PCDHGA2: variants seen among roughly 807,000 people sequenced by gnomAD.
PCDHGA2 encodes protocadherin gamma-A2.
PCDHGA2 carries 40 observed loss-of-function variants against 59.2 expected under a neutral mutation model. That is an observed-to-expected ratio of 0.68 (90% CI 0.52 to 0.88). The LOEUF (loss-of-function observed/expected upper bound fraction) is 0.88. Among genes scored for constraint, PCDHGA2 ranks in the 40% least tolerant of loss-of-function variants. The pLI is 0.00. For missense variants in PCDHGA2, 1,226 were observed against 1,204.0 expected, an observed-to-expected ratio of 1.02 and a Z score of -0.27; for synonymous variants, 560 against 526.0, an observed-to-expected ratio of 1.06 and a Z score of -0.89.
chr5:141,409,805 C>T lies in PCDHGA2; in HGVS notation c.2424+68410C>T, dbSNP rs751397816. 8 of 1,611,512 alleles carry T rather than the reference C, an allele frequency of 5.0e-6. No individual in the cohort carries two copies. The African/African-American group carries it at 5.3e-5, about 11-fold the overall frequency. ...CGCCTTCGCGCTCACGCTGCAGGCC[C>T]GCGACCACGGCTCGCCCACGCTCAG... is the stretch of plus-strand genomic sequence containing the variant. On this transcript the variant is annotated intron_variant, in intron 1 of 3. Coordinates refer to ENST00000394576, the MANE Select transcript of PCDHGA2 (RefSeq NM_018915.4).
intron 1 of PCDHGA2, chr5:141,402,985 A>G: frequency 6.2e-7 from 1 of 1,609,390 alleles, no homozygotes; most frequent in Non-Finnish European, 8.5e-7. Context: ...AGCTCCGCGG[A>G]AGATTAGTCC....
At chr5:141,376,318 G>A (rs373956139) in intron 1 of PCDHGA2, 28 of 1,614,082 alleles carry the variant, frequency 1.7e-5, no homozygotes, top group Non-Finnish European at 1.9e-5. Context: ...GCGTGGAAGG[G>A]GTTCGGGCTT....
intron 1 of PCDHGA2, chr5:141,428,860 CT>C (rs34152666): frequency 0.3 from 42,955 of 145,250 alleles, 7,185 homozygotes; most frequent in African/African-American, 0.5. Flanking sequence ...TTACGGGAGA[CT>C]TTTTTTTTTT....
intron 1 of PCDHGA2, chr5:141,397,891 A>G: frequency 3.2e-6 from 2 of 631,130 alleles, no homozygotes; most frequent in Non-Finnish European, 5.3e-6. Context: ...CTGTTGGCCA[A>G]AGTGCAGAGC....
chr5:141,491,071 C>T lies in PCDHGA2; in HGVS notation c.2425-3736C>T, dbSNP rs987564933. 1 of 1,614,152 alleles carries T rather than the reference C, an allele frequency of 6.2e-7. No individual in the cohort carries two copies. Among genetic ancestry groups the T allele is most frequent in the Non-Finnish European group, 8.5e-7 (1 of 1,180,028 alleles). ...TGCGTGGCTCTCCTACTCACTGTTGCCACAGTCCACAGCCCCAGGACTGTT... is the reference window on the plus strand; with the variant it reads ...TGCGTGGCTCTCCTACTCACTGTTGTCACAGTCCACAGCCCCAGGACTGTT... On this transcript the variant is annotated intron_variant, in intron 1 of 3. Transcript: ENST00000394576. This position sits in a 1 kb window ranked among gnomAD's most constrained non-coding sequence, Gnocchi z 6.9.
chr5:141,422,092 G>A (rs2154549502), intron 1 of PCDHGA2: 6 of 1,611,520 alleles, frequency 3.7e-6, no homozygotes, highest in Non-Finnish European at 5.1e-6. Flanking sequence ...GGAAAGCAAG[G>A]CTTCTGAAAT....
chr5:141,474,981 G>A (rs1336399018), intron 1 of PCDHGA2, among the ~76,000 whole-genome samples: 1 of 152,126 alleles, frequency 6.6e-6, no homozygotes, highest in African/African-American at 2.4e-5. Context: ...ATTTTGTTTG[G>A]TGACAACAAT....
At chr5:141,392,979 C>T (rs1356713892) in intron 1 of PCDHGA2, 4 of 1,613,718 alleles carry the variant, frequency 2.5e-6, no homozygotes, top group Admixed American at 1.7e-5. Context: ...GGGGCTGGAC[C>T]CCCGGAAGCT....
rs771647688 is a variant in PCDHGA2 at position 141,399,795 on chromosome 5, G to A, written c.2424+58400G>A. 10 of 1,613,202 alleles carry A rather than the reference G, an allele frequency of 6.2e-6. No individual in the cohort carries two copies. In the South Asian group the frequency reaches 8.8e-5, roughly 14 times the overall value. On this transcript the variant is annotated intron_variant, in intron 1 of 3. Transcript: ENST00000394576. ...TGGGCGACCGAAACGACAACGCACC[G>A]CGGGTGCTGTACCCCGCGCTGGGTC...
intron 1 of PCDHGA2, among the ~76,000 whole-genome samples, chr5:141,448,083 T>C (rs1020024755): frequency 2.6e-5 from 4 of 151,368 alleles, no homozygotes; most frequent in African/African-American, 9.7e-5. Context: ...CGAAATGCCA[T>C]CTTAAAAAAA....
intron 1 of PCDHGA2, among the ~76,000 whole-genome samples, chr5:141,469,967 C>G (rs2099217411): frequency 6.6e-6 from 1 of 152,124 alleles, no homozygotes; most frequent in Admixed American, 6.6e-5. Flanking sequence ...CCCATCTGTA[C>G]CAAAAATACA....
At chr5:141,365,095 A>G in intron 1 of PCDHGA2, 2 of 1,613,810 alleles carry the variant, frequency 1.2e-6, no homozygotes, top group Non-Finnish European at 1.7e-6. Context: ...CAGAGAACAT[A>G]CCTGTGGGCA....
chr5:141,366,986 G>T, intron 1 of PCDHGA2: 1 of 493,134 alleles, frequency 2.0e-6, no homozygotes, highest in Non-Finnish European at 3.4e-6. Context: ...AAGGAAAGTG[G>T]TTAAATATAA....
intron 1 of PCDHGA2, chr5:141,350,546 A>C (rs886105437): frequency 2.5e-6 from 4 of 1,613,906 alleles, no homozygotes; most frequent in Admixed American, 1.7e-5. Flanking sequence ...TTGCGGAAGG[A>C]AACTTGAGTG....
chr5:141,395,391 A>G, intron 1 of PCDHGA2: 2 of 944,730 alleles, frequency 2.1e-6, no homozygotes, highest in Non-Finnish European at 3.1e-6. Flanking sequence ...ATAAAATTGA[A>G]CTCTAATAGT....
chr5:141,421,102 T>G, intron 1 of PCDHGA2: 1 of 691,404 alleles, frequency 1.4e-6, no homozygotes, highest in Non-Finnish European at 2.4e-6. Flanking sequence ...CACTGGAGAC[T>G]TAGAAGTATT....
rs200981359 is a variant in PCDHGA2, at chr5:141,339,427, T to G, written c.456T>G (p.Ile152Met). ...AAACCACTACGCCAGGATTCCGGAT[T>G]CCTCTTAAGAATGCGCATGATGCAG... ...ISETTTPGFR[I>M]PLKNAHDADV... The change falls in exon 1 of 4, where the codon ATT (isoleucine) becomes ATG (methionine). Residue 152 changes from isoleucine to methionine, a missense_variant. Ile to Met is a conservative substitution (Grantham distance 10). Transcript: ENST00000394576. The G allele has an allele frequency of 5.7e-5, 92 of 1,614,094 alleles. No homozygotes were observed. The highest frequency in any genetic ancestry group is 7.3e-5 in the Non-Finnish European group (86 of 1,180,044).
chr5:141,421,054 A>C, intron 1 of PCDHGA2: 2 of 571,978 alleles, frequency 3.5e-6, no homozygotes, highest in Non-Finnish European at 6.0e-6. Context: ...CGCCTCTACC[A>C]CACAAAGCGG....
chr5:141,487,386 G>C lies in PCDHGA2; in HGVS notation c.2425-7421G>C. On this transcript the variant is annotated intron_variant, in intron 1 of 3. Coordinates refer to ENST00000394576, the MANE Select transcript of PCDHGA2 (RefSeq NM_018915.4). The surrounding 1 kb of genome is among the most constrained non-coding windows in gnomAD (Gnocchi z 5.0). Reference sequence around the variant, plus strand: ...ACCTGTGCCTGTCTCACCAGATCTCGAAGGAGGGAGGGGCTTCCCCCTTCC... The same window carrying C: ...ACCTGTGCCTGTCTCACCAGATCTCCAAGGAGGGAGGGGCTTCCCCCTTCC... The C allele has an allele frequency of 1.2e-6, 2 of 1,614,164 alleles. No homozygotes were observed. Among genetic ancestry groups the C allele is most frequent in the South Asian group, 1.1e-5 (1 of 91,084 alleles).
Sources: allele counts gnomAD v4.1 joint callset (sites outside exome capture counted in the v4.1 genomes callset), GRCh38; gene constraint gnomAD v4.1.1; non-coding constraint Gnocchi (gnomAD v3.1); transcripts MANE v1.5; gene names NCBI Gene and HGNC (gene_info 2026-07-23, HGNC 2026-07-21).